NEGR1: variants seen among roughly 807,000 people sequenced by gnomAD.
NEGR1 encodes IgLON family member 4.
A neutral mutation model predicts 40.9 loss-of-function variants in NEGR1; 10 were observed. That is an observed-to-expected ratio of 0.24 (90% CI 0.15 to 0.42). The LOEUF (loss-of-function observed/expected upper bound fraction) is 0.42. Ranked by LOEUF, NEGR1 falls within the 10% of genes least tolerant of loss-of-function variation. The pLI, the probability that NEGR1 is intolerant of heterozygous loss-of-function variation, is 1.00. For missense variants in NEGR1, 352 were observed against 438.9 expected (o/e 0.80, Z 1.77); for synonymous variants, 185 against 166.8 (o/e 1.11, Z -0.84).
intron 1 of NEGR1, 50 bp from the exon 2 acceptor site, chr1:71,935,361 A>G: frequency 7.8e-7 from 1 of 1,280,298 alleles, no homozygotes. Context: ...AAAATGAGAG[A>G]CAACATTATT....
At chr1:71,571,787 CAAA>C (rs34844215) in intron 6 of NEGR1, among the ~76,000 whole-genome samples, 2,466 of 106,496 alleles carry the variant, frequency 0.023, 63 homozygotes, top group African/African-American at 0.086. Flanking sequence ...GCCCCTGTCT[CAAA>C]AAAAAAAAAA....
intron 1 of NEGR1, among the ~76,000 whole-genome samples, chr1:72,147,598 A>T (rs1251609341): frequency 6.6e-6 from 1 of 152,066 alleles, no homozygotes; most frequent in Non-Finnish European, 1.5e-5. Context: ...GCCTTCCAAC[A>T]TTCCCCTAAA....
intron 1 of NEGR1, among the ~76,000 whole-genome samples, chr1:72,036,676 T>C (rs1330954524): frequency 6.9e-6 from 1 of 145,734 alleles, no homozygotes; most frequent in African/African-American, 2.5e-5. Flanking sequence ...AAAAAAGCAA[T>C]ATTAAATTAC....
intron 3 of NEGR1, among the ~76,000 whole-genome samples, chr1:71,746,453 C>T (rs943641469): frequency 6.6e-6 from 1 of 152,066 alleles, no homozygotes; most frequent in African/African-American, 2.4e-5. Context: ...TTATAACTGA[C>T]AGCTATGAAA....
At chr1:71,496,128 C>T (rs1379422475) in intron 6 of NEGR1, among the ~76,000 whole-genome samples, 1 of 151,946 alleles carries the variant, frequency 6.6e-6, no homozygotes, top group Admixed American at 6.6e-5. Flanking sequence ...ATGAAAGATG[C>T]CAATAGTCAG....
intron 2 of NEGR1, among the ~76,000 whole-genome samples, chr1:71,816,815 G>C (rs1192301627): frequency 6.6e-6 from 1 of 151,802 alleles, no homozygotes; most frequent in Admixed American, 6.6e-5. Context: ...AAATATTCCT[G>C]GTTCTATCAA....
intron 2 of NEGR1, among the ~76,000 whole-genome samples, chr1:71,881,278 T>C (rs1184559249): frequency 6.6e-6 from 1 of 152,060 alleles, no homozygotes; most frequent in Non-Finnish European, 1.5e-5. Context: ...GAATGATAAT[T>C]AGAAGAGGAT....
intron 2 of NEGR1, among the ~76,000 whole-genome samples, chr1:71,810,500 C>T (rs543684123): frequency 1.0e-3 from 158 of 152,150 alleles, no homozygotes; most frequent in African/African-American, 3.5e-3. Flanking sequence ...TATGGAAACA[C>T]ATTAAAAGCT....
At chr1:72,047,723 G>A (rs1218242012) in intron 1 of NEGR1, among the ~76,000 whole-genome samples, 1 of 151,298 alleles carries the variant, frequency 6.6e-6, no homozygotes, top group Non-Finnish European at 1.5e-5. Flanking sequence ...GAAAAATCCA[G>A]AAATTCAATT....
At chr1:72,163,755 T>TAGAC (rs1651674174) in intron 1 of NEGR1, among the ~76,000 whole-genome samples, 2 of 132,256 alleles carry the variant, frequency 1.5e-5, no homozygotes, top group East Asian at 2.3e-4. Flanking sequence ...GATAGATAGA[T>TAGAC]AGATAGATAT....
rs146483415 is a variant in NEGR1 at position 72,201,326 on chromosome 1, A to G, written c.176+80993T>C. Among the ~76,000 whole-genome samples, 86 of 151,026 alleles carry G rather than the reference A, an allele frequency of 5.7e-4. No homozygotes were observed. The East Asian group carries it at 0.014, about 25-fold the overall frequency. ...ATTTTTTTATATTTTATTTTATTTTATATTTATTTTATTTTACATCATATT... is the reference window on the plus strand; with the variant it reads ...ATTTTTTTATATTTTATTTTATTTTGTATTTATTTTATTTTACATCATATT... On this transcript the variant is annotated intron_variant, in intron 1 of 6. Transcript: ENST00000357731.
At chr1:71,601,014 A>G (rs1649901228) in intron 5 of NEGR1, among the ~76,000 whole-genome samples, 1 of 152,194 alleles carries the variant, frequency 6.6e-6, no homozygotes, top group Admixed American at 6.5e-5. Context: ...GTCTAGATGG[A>G]AAACATAGAA....
At chr1:71,732,135 C>A (rs1570271039) in intron 3 of NEGR1, among the ~76,000 whole-genome samples, 1 of 152,036 alleles carries the variant, frequency 6.6e-6, no homozygotes, top group African/African-American at 2.4e-5. Flanking sequence ...TGGTGAAACA[C>A]CATCTCTACT....
intron 6 of NEGR1, among the ~76,000 whole-genome samples, chr1:71,460,375 A>G (rs1453479702): frequency 6.6e-6 from 1 of 152,126 alleles, no homozygotes; most frequent in East Asian, 1.9e-4. Flanking sequence ...CCAGGGCACA[A>G]AATTTAAGTA....
At chr1:71,427,120 T>C (rs1028689813) in intron 6 of NEGR1, among the ~76,000 whole-genome samples, 3 of 152,196 alleles carry the variant, frequency 2.0e-5, no homozygotes, top group Non-Finnish European at 4.4e-5. Context: ...CATGCTCACG[T>C]TGGAGATGTC....
intron 4 of NEGR1, among the ~76,000 whole-genome samples, chr1:71,667,595 A>G (rs1447900992): frequency 6.6e-6 from 1 of 152,202 alleles, no homozygotes; most frequent in Non-Finnish European, 1.5e-5. Flanking sequence ...TAAAGAAAAT[A>G]GTCTTTTACT....
intron 2 of NEGR1, among the ~76,000 whole-genome samples, chr1:71,792,174 A>G (rs1657141606): frequency 6.6e-6 from 1 of 152,156 alleles, no homozygotes; most frequent in Non-Finnish European, 1.5e-5. Flanking sequence ...AATTCTTGGA[A>G]TGGAAAGAAC....
At chr1:71,485,263 CT>C (rs1433584201) in intron 6 of NEGR1, among the ~76,000 whole-genome samples, 2 of 151,078 alleles carry the variant, frequency 1.3e-5, no homozygotes, top group Non-Finnish European at 3.0e-5. Flanking sequence ...ATTGTTTTAA[CT>C]TTTCAAAAAT....
At chr1:71,846,252 C>T (rs1352911440) in intron 2 of NEGR1, among the ~76,000 whole-genome samples, 2 of 152,102 alleles carry the variant, frequency 1.3e-5, no homozygotes, top group Non-Finnish European at 2.9e-5. Context: ...GTGTTTAAAT[C>T]TGATTCCTTT....
Sources: gnomAD v4.1 joint callset for allele counts (sites outside exome capture counted in the v4.1 genomes callset) on GRCh38, gnomAD v4.1.1 for gene constraint, MANE v1.5 for transcripts, NCBI Gene and HGNC (gene_info 2026-07-23, HGNC 2026-07-21) for gene names.